GRID2: variants seen among roughly 807,000 people sequenced by gnomAD.
GRID2 encodes the protein glutamate receptor ionotropic, delta-2.
Under a neutral mutation model 114.8 loss-of-function variants are expected in GRID2, and 33 were observed. The observed-to-expected ratio is 0.29, with a 90% CI of 0.22 to 0.38. GRID2 has a LOEUF of 0.38. GRID2 is among the 10% of genes least tolerant of loss of function. The pLI is 1.00. For missense variants in GRID2, 1,184 were observed against 1,257.7 expected, an observed-to-expected ratio of 0.94 and a Z score of 0.89; for synonymous variants, 505 against 449.9, an observed-to-expected ratio of 1.12 and a Z score of -1.55.
chr4:92,454,388 A>C (rs1721101406), intron 1 of GRID2, among the ~76,000 whole-genome samples: 1 of 152,222 alleles, frequency 6.6e-6, no homozygotes, highest in African/African-American at 2.4e-5. Context: ...AATTTTTTCA[A>C]CTTTAAAAAT....
chr4:93,429,265 G>A (rs1056648397), intron 10 of GRID2, among the ~76,000 whole-genome samples: 2 of 152,132 alleles, frequency 1.3e-5, no homozygotes, highest in African/African-American at 2.4e-5. Context: ...ATCCCTATAA[G>A]GCTCACAGTA....
At chr4:93,345,137 A>G (rs566535782) in intron 8 of GRID2, among the ~76,000 whole-genome samples, 89 of 152,146 alleles carry the variant, frequency 5.8e-4, no homozygotes, top group African/African-American at 2.0e-3. Context: ...ATATCTCTTT[A>G]ACATACTGAT....
At chr4:93,124,120 A>AAG (rs1260875351) in intron 4 of GRID2, among the ~76,000 whole-genome samples, 1 of 151,362 alleles carries the variant, frequency 6.6e-6, no homozygotes, top group African/African-American at 2.4e-5. Flanking sequence ...AAAAAAAGAA[A>AAG]AAAAAAAAAG....
chr4:93,114,320 T>A (rs1386223480), intron 4 of GRID2, among the ~76,000 whole-genome samples: 2 of 152,172 alleles, frequency 1.3e-5, no homozygotes, highest in Non-Finnish European at 2.9e-5. Flanking sequence ...CAATTTCAAC[T>A]GATATGATCT....
At chr4:93,592,655 G>A (rs1220352532) in intron 13 of GRID2, among the ~76,000 whole-genome samples, 1 of 151,946 alleles carries the variant, frequency 6.6e-6, no homozygotes, top group Admixed American at 6.6e-5. Context: ...TTGACAGTGG[G>A]GTGTTAAAGT....
intron 1 of GRID2, among the ~76,000 whole-genome samples, chr4:92,539,087 A>G (rs942591261): frequency 6.6e-6 from 1 of 151,928 alleles, no homozygotes; most frequent in Non-Finnish European, 1.5e-5. Context: ...ATTTTGAGCA[A>G]AACTTTAAGG....
intron 6 of GRID2, among the ~76,000 whole-genome samples, chr4:93,221,861 G>A (rs897409370): frequency 1.3e-5 from 2 of 152,110 alleles, no homozygotes; most frequent in East Asian, 3.9e-4. Context: ...TATTGAAAAT[G>A]CCTGTCATGT....
intron 1 of GRID2, among the ~76,000 whole-genome samples, chr4:92,408,666 G>A (rs1054121070): frequency 6.7e-6 from 1 of 150,322 alleles, no homozygotes; most frequent in African/African-American, 2.5e-5. Context: ...ACAGTATTTT[G>A]TAGTTCTCTT....
At chr4:92,773,870 A>G (rs1310877631) in intron 2 of GRID2, among the ~76,000 whole-genome samples, 1 of 152,084 alleles carries the variant, frequency 6.6e-6, no homozygotes, top group Admixed American at 6.6e-5. Flanking sequence ...TTATCCTGTC[A>G]TATTTGCACA....
chr4:92,774,270 A>G (rs1738680861), intron 2 of GRID2, among the ~76,000 whole-genome samples: 1 of 152,138 alleles, frequency 6.6e-6, no homozygotes. Flanking sequence ...CCAAGGAAAC[A>G]AAAAATCTGA....
chr4:93,350,026 G>A (rs1052782101), intron 8 of GRID2, among the ~76,000 whole-genome samples: 14 of 152,130 alleles, frequency 9.2e-5, no homozygotes, highest in Admixed American at 4.6e-4. Flanking sequence ...CATGTGATAC[G>A]CACATAGTGT....
Position 93,539,736 on chromosome 4 carries a change from G to A in GRID2, c.2193+24325G>A, listed in dbSNP as rs1035331054. 7.2e-5 allele frequency among the ~76,000 whole-genome samples: 11 copies of A among 152,038 alleles called. No individual in the cohort carries two copies. In the South Asian group the frequency reaches 1.0e-3, roughly 14 times the overall value. ...GGGAGAATCCTTTCTTCCTTCAGAA[G>A]TTTGAATGCATTGTTCCATGGTATC... On this transcript the variant is annotated intron_variant, in intron 13 of 15. Transcript: ENST00000282020.
intron 2 of GRID2, among the ~76,000 whole-genome samples, chr4:92,748,251 CA>C (rs1737253980): frequency 1.3e-5 from 2 of 151,882 alleles, no homozygotes; most frequent in African/African-American, 4.8e-5. Context: ...TGGGAAGTGC[CA>C]AAAAACTCAA....
intron 1 of GRID2, among the ~76,000 whole-genome samples, chr4:93,791,342 G>C (rs1268090212): frequency 1.3e-5 from 2 of 152,086 alleles, no homozygotes; most frequent in African/African-American, 4.8e-5. Context: ...AATATGTTTT[G>C]ATCTTAAATA....
intron 2 of GRID2, among the ~76,000 whole-genome samples, chr4:92,680,643 C>T (rs1038209493): frequency 3.3e-5 from 5 of 152,126 alleles, no homozygotes; most frequent in East Asian, 3.9e-4. Flanking sequence ...ACAACAGATT[C>T]GTTGTTATTT....
At chr4:92,503,706 T>C (rs1723807177) in intron 1 of GRID2, among the ~76,000 whole-genome samples, 2 of 152,146 alleles carry the variant, frequency 1.3e-5, no homozygotes, top group Admixed American at 6.6e-5. Flanking sequence ...TGTATAATTT[T>C]ACTTTTCTTA....
chr4:93,389,236 A>G (rs1344099412), intron 8 of GRID2, among the ~76,000 whole-genome samples: 7 of 152,162 alleles, frequency 4.6e-5, no homozygotes, highest in African/African-American at 1.7e-4. Context: ...AAATGTCTCA[A>G]GGTAGAATGG....
intron 2 of GRID2, among the ~76,000 whole-genome samples, chr4:92,725,223 C>G (rs1036041305): frequency 6.6e-6 from 1 of 152,058 alleles, no homozygotes; most frequent in Non-Finnish European, 1.5e-5. Context: ...ATCACTTGAA[C>G]TGGGAGGTGG....
chr4:93,715,367 T>C (rs113510893), intron 14 of GRID2, among the ~76,000 whole-genome samples: 7,357 of 152,292 alleles, frequency 0.048, 216 homozygotes, highest in Non-Finnish European at 0.071. Flanking sequence ...AGTAACATGA[T>C]GCCTCCAGCT....
Sources: allele counts gnomAD v4.1 joint callset (sites outside exome capture counted in the v4.1 genomes callset), GRCh38; gene constraint gnomAD v4.1.1; transcripts MANE v1.5; gene names NCBI Gene and HGNC (gene_info 2026-07-23, HGNC 2026-07-21).